The following NBAS variants were observed in gnomAD, a reference collection of about 807,000 sequenced individuals.
The protein encoded by NBAS is NBAS subunit of NRZ tethering complex.
Under a neutral mutation model 302.5 loss-of-function variants are expected in NBAS, and 219 were observed. That is an observed-to-expected ratio of 0.72 (90% CI 0.65 to 0.81). The LOEUF is 0.81. Ranked by LOEUF, NBAS falls within the 30% of genes least tolerant of loss-of-function variation. The pLI is 0.00. For synonymous variants in NBAS, 1,118 were observed against 1,021.6 expected (o/e 1.09, Z -1.80); for missense variants, 2,932 against 2,841.6 (o/e 1.03, Z -0.72).
At position 15,330,731 on chromosome 2, in the gene NBAS, T is replaced by C. The variant is rs966604808; in HGVS notation, c.4214A>G (p.Asp1405Gly). The change falls in exon 36 of 52, where the codon GAC becomes GGC. Residue 1405 changes from aspartate to glycine, a missense_variant. Coordinates refer to ENST00000281513, the MANE Select transcript of NBAS (RefSeq NM_015909.4). Reference protein sequence around the residue: ...EVGVPGSNSADLLRWTTATTM... With the variant: ...EVGVPGSNSAGLLRWTTATTM... ...GGTAGCAGTGGTCCAGCGCAATAGG[T>C]CAGCTGAATTGCTACCTGGAACACC... 1 of 1,613,934 alleles carries C rather than the reference T, an allele frequency of 6.2e-7. No homozygotes were observed. Among genetic ancestry groups the C allele is most frequent in the Admixed American group, 1.7e-5 (1 of 60,002 alleles).
At chr2:15,237,264 C>T (rs1157964523) in intron 45 of NBAS, among the ~76,000 whole-genome samples, 2 of 151,868 alleles carry the variant, frequency 1.3e-5, no homozygotes, top group Non-Finnish European at 2.9e-5. Context: ...TCTCTAAGGG[C>T]CTTAGAGAGC....
the NBAS span, among the ~76,000 whole-genome samples, chr2:14,951,481 C>A: frequency 3.3e-5 from 5 of 152,186 alleles, no homozygotes; most frequent in African/African-American, 1.2e-4. Flanking sequence ...GAGAGCCCAC[C>A]TGAGTATGGC....
chr2:14,953,951 G>A, the NBAS span, among the ~76,000 whole-genome samples: 1 of 152,190 alleles, frequency 6.6e-6, no homozygotes, highest in East Asian at 1.9e-4. Flanking sequence ...CTGGGTGCCA[G>A]GGGTCAAACG....
chr2:15,208,261 T>C (rs1387532361), intron 48 of NBAS, among the ~76,000 whole-genome samples: 1 of 151,996 alleles, frequency 6.6e-6, no homozygotes, highest in Non-Finnish European at 1.5e-5. Flanking sequence ...GAAGGGGAAA[T>C]CCCTTATAAA....
At chr2:14,953,177 ACTT>A in the NBAS span, among the ~76,000 whole-genome samples, 8 of 152,302 alleles carry the variant, frequency 5.3e-5, no homozygotes, top group South Asian at 6.2e-4. Flanking sequence ...GACGGGCCAC[ACTT>A]CTTCTGCTAA....
chr2:15,546,030 C>CCT (rs1300541457), intron 6 of NBAS, among the ~76,000 whole-genome samples: 1 of 152,114 alleles, frequency 6.6e-6, no homozygotes, highest in African/African-American at 2.4e-5. Context: ...AGACCTATGT[C>CCT]CTAACACCTA....
At chr2:14,821,543 A>G in the NBAS span, among the ~76,000 whole-genome samples, 1 of 151,930 alleles carries the variant, frequency 6.6e-6, no homozygotes. Flanking sequence ...ATCCCCTGCT[A>G]TTTTCCCCGG....
At position 15,353,798 on chromosome 2, in the gene NBAS, T is replaced by A. The variant is rs778383367; in HGVS notation, c.3932-88A>T. The A allele has an allele frequency of 6.7e-5, 105 of 1,560,562 alleles. 2 individuals carry two copies. Among genetic ancestry groups the A allele is most frequent in the South Asian group, 5.5e-4 (49 of 89,492 alleles). ...CAAATGCAATGGCTTCCTGCTCAGG[T>A]CTTGTGGTACCAAAGCAAAATCATA... On this transcript the variant is annotated intron_variant, in intron 33 of 51. Transcript: ENST00000281513.
chr2:15,358,987 T>G (rs1476647418), intron 32 of NBAS, among the ~76,000 whole-genome samples: 2 of 152,204 alleles, frequency 1.3e-5, no homozygotes, highest in Non-Finnish European at 2.9e-5. Context: ...TTATCTTATC[T>G]GAATAAAGCA....
intron 9 of NBAS, among the ~76,000 whole-genome samples, chr2:15,518,839 G>A (rs1348314286): frequency 2.0e-5 from 3 of 152,146 alleles, no homozygotes; most frequent in Non-Finnish European, 4.4e-5. Context: ...AGCAGGCAAA[G>A]AGAGCTTGTG....
At chr2:15,075,789 A>G in the NBAS span, among the ~76,000 whole-genome samples, 4 of 152,202 alleles carry the variant, frequency 2.6e-5, no homozygotes, top group Admixed American at 2.6e-4. Context: ...ACACATATAC[A>G]CACAGAAAAA....
intron 48 of NBAS, among the ~76,000 whole-genome samples, chr2:15,211,206 C>A (rs1372051966): frequency 6.6e-6 from 1 of 152,030 alleles, no homozygotes; most frequent in Non-Finnish European, 1.5e-5. Flanking sequence ...TTATGCACTG[C>A]ATGCCTGTAT....
the NBAS span, among the ~76,000 whole-genome samples, chr2:15,133,949 T>C: frequency 6.6e-6 from 1 of 152,078 alleles, no homozygotes; most frequent in African/African-American, 2.4e-5. Flanking sequence ...AAGGGGATTT[T>C]CAGACAAATC....
At position 15,353,701 on chromosome 2, in the gene NBAS, T is replaced by A; in HGVS notation, c.3941A>T (p.Lys1314Ile). ...CQELMATGYP[K>I]SWDVCSQLGQ... The stretch of plus-strand genomic sequence containing the variant: ...TAACTGGCTACAAACATCCCAACTT[T>A]TAGGATAACCTGCAAAATTGGCAAG... The change falls in exon 34 of 52, where the codon AAA becomes ATA. Residue 1314 changes from lysine to isoleucine, a missense_variant. Transcript: ENST00000281513. The A allele has an allele frequency of 6.2e-7, 1 of 1,613,940 alleles. No homozygotes were observed. The highest frequency in any genetic ancestry group is 2.2e-5 in the East Asian group (1 of 44,866).
chr2:14,819,430 A>G, the NBAS span, among the ~76,000 whole-genome samples: 7 of 152,244 alleles, frequency 4.6e-5, no homozygotes, highest in Admixed American at 3.9e-4. Context: ...GAAAATAGCA[A>G]TATCAATAGC....
At chr2:15,011,346 T>C in the NBAS span, among the ~76,000 whole-genome samples, 3 of 151,976 alleles carry the variant, frequency 2.0e-5, no homozygotes, top group Non-Finnish European at 2.9e-5. Context: ...AGAACTTCTA[T>C]GGATCAATTT....
chr2:15,274,006 G>C (rs1268124933), intron 44 of NBAS, among the ~76,000 whole-genome samples: 1 of 152,032 alleles, frequency 6.6e-6, no homozygotes, highest in Non-Finnish European at 1.5e-5. Flanking sequence ...CATGAACCCA[G>C]GAGGCAGAGC....
intron 47 of NBAS, among the ~76,000 whole-genome samples, chr2:15,226,447 A>T (rs974393452): frequency 1.3e-5 from 2 of 152,226 alleles, no homozygotes; most frequent in African/African-American, 4.8e-5. Context: ...CTAGAAATTG[A>T]TATTTTCTTC....
the NBAS span, among the ~76,000 whole-genome samples, chr2:14,884,289 G>A: frequency 3.5e-4 from 54 of 152,236 alleles, no homozygotes; most frequent in African/African-American, 7.2e-4. Flanking sequence ...TCCAGAAACC[G>A]GCACCAGCAT....
Sources: gnomAD v4.1 joint callset for allele counts (sites outside exome capture counted in the v4.1 genomes callset) on GRCh38, gnomAD v4.1.1 for gene constraint, MANE v1.5 for transcripts, NCBI Gene and HGNC (gene_info 2026-07-23, HGNC 2026-07-21) for gene names.